Variants in RPL6 observed in about 807,000 individuals in gnomAD.
RPL6 encodes the protein ribosomal protein L6, also known as large ribosomal subunit protein eL6.
A neutral mutation model predicts 32.1 loss-of-function variants in RPL6; 1 was observed. The ratio of observed to expected loss-of-function variants is 0.03; its 90% CI spans 0.01 to 0.15. The LOEUF is 0.15. RPL6 is among the 10% of genes least tolerant of loss of function. The probability of loss-of-function intolerance (pLI) is 1.00; values close to 1 mark genes in which losing one functional copy is unlikely to be tolerated. For missense variants in RPL6, 275 were observed against 354.6 expected, an observed-to-expected ratio of 0.78 and a Z score of 1.80; for synonymous variants, 126 against 131.6, an observed-to-expected ratio of 0.96 and a Z score of 0.29.
At chr12:112,411,069 C>A (rs2037336165), upstream of RPL6, among the ~76,000 whole-genome samples, 1 of 152,198 alleles carries the variant, frequency 6.6e-6, no homozygotes, top group Non-Finnish European at 1.5e-5. Flanking sequence ...AACTGAGTCT[C>A]AAGGACATTA....
Position 112,405,816 on chromosome 12 carries a change from C to T in RPL6, c.714+37G>A, listed in dbSNP as rs535411903. 9 of 1,533,302 alleles carry T rather than the reference C, an allele frequency of 5.9e-6. No individual in the cohort carries two copies. In the East Asian group the frequency reaches 1.1e-4, roughly 19 times the overall value. 95.0% of individuals were successfully genotyped at this position (1,533,302 alleles called of 1,614,324 possible). ...TTCTTTTCACTCCCAGGTAGAAGGGCCAGTGCTAACACAGGAGATGACAAG... is the reference window on the plus strand; with the variant it reads ...TTCTTTTCACTCCCAGGTAGAAGGGTCAGTGCTAACACAGGAGATGACAAG... On this transcript the variant is annotated intron_variant, in intron 6 of 6. Coordinates refer to ENST00000202773, the MANE Select transcript of RPL6 (RefSeq NM_000970.6).
At chr12:112,409,448 T>G in intron 1 of RPL6, 139 bp downstream of exon 1, 1 of 398,650 alleles carries the variant, frequency 2.5e-6, no homozygotes, top group Non-Finnish European at 4.4e-6. Context: ...ACAACAAAAA[T>G]GAAGCGTCTG....
At chr12:112,406,951 C>T in intron 3 of RPL6, 61 bp from the exon 4 acceptor site, 1 of 1,565,470 alleles carries the variant, frequency 6.4e-7, no homozygotes, top group Non-Finnish European at 8.7e-7. Context: ...TAGAAGCAAG[C>T]TATGTCAGCC....
At chr12:112,412,879 G>A (rs944536808), upstream of RPL6, among the ~76,000 whole-genome samples, 4 of 151,844 alleles carry the variant, frequency 2.6e-5, no homozygotes, top group Non-Finnish European at 5.9e-5. Flanking sequence ...AGCCGAGATT[G>A]TGCCACTGCA....
rs150260546 is a variant in RPL6 at position 112,409,578 on chromosome 12, G to C, written c.-1+9C>G. On this transcript the variant is annotated intron_variant, in intron 1 of 6. Coordinates refer to ENST00000202773, the MANE Select transcript of RPL6 (RefSeq NM_000970.6). ...ACTCAAGTCTTGCAGACAGGCCCGC[G>C]ATTCTTACCTTGCAAGATGGGAAAG... is the stretch of plus-strand genomic sequence containing the variant. 7.5e-6 allele frequency: 3 copies of C among 398,426 alleles called. No individual in the cohort carries two copies. The highest frequency in any genetic ancestry group is 4.4e-5 in the Admixed American group (1 of 22,698). The allele number at this position is 398,426 out of a possible 1,614,324, so 24.7% of individuals were successfully genotyped here.
rs750667853 is a variant in RPL6, at chr12:112,406,048, A to C, written c.530-11T>G. ...TGAGGACCAGAGGTCCTAAGGGGGAAAAATTAATTTAGCAAGGAAAAGGGG... is the reference window on the plus strand; with the variant it reads ...TGAGGACCAGAGGTCCTAAGGGGGACAAATTAATTTAGCAAGGAAAAGGGG... On this transcript the variant is annotated splice_polypyrimidine_tract_variant and intron_variant, in intron 5 of 6. Coordinates refer to ENST00000202773, the MANE Select transcript of RPL6 (RefSeq NM_000970.6). The C allele has an allele frequency of 6.3e-7, 1 of 1,594,184 alleles. No homozygotes were observed. Among genetic ancestry groups the C allele is most frequent in the Non-Finnish European group, 8.5e-7 (1 of 1,170,208 alleles).
chr12:112,417,442 C>T (rs2037427965), intron 1 of RPL6, among the ~76,000 whole-genome samples: 1 of 151,966 alleles, frequency 6.6e-6, no homozygotes, highest in Admixed American at 6.6e-5. Flanking sequence ...TACCATTATT[C>T]CCAGACCAGA....
At chr12:112,410,345 C>T (rs879006983), upstream of RPL6, 2 of 291,598 alleles carry the variant, frequency 6.9e-6, no homozygotes, top group Non-Finnish European at 1.4e-5. Flanking sequence ...TGACTACTTC[C>T]TCTTGTACAT....
At chr12:112,409,614 T>A (rs973942824), upstream of RPL6, 4 of 397,908 alleles carry the variant, frequency 1.0e-5, no homozygotes. Context: ...AGAATTAAGG[T>A]CCCGGCTTCC....
chr12:112,409,337 C>T (rs1362028169), intron 1 of RPL6: 1 of 395,050 alleles, frequency 2.5e-6, no homozygotes, highest in Non-Finnish European at 4.5e-6. Context: ...TACGGGTCCC[C>T]GAAAGGGCCT....
upstream of RPL6, among the ~76,000 whole-genome samples, chr12:112,414,703 A>C (rs887219909): frequency 5.3e-5 from 8 of 152,234 alleles, no homozygotes; most frequent in African/African-American, 1.9e-4. Context: ...GGAGATCAAG[A>C]CCATCCTGGC....
chr12:112,408,809 C>CT (rs2037265217), intron 1 of RPL6, 153 bp from the exon 2 acceptor site: 1 of 652,198 alleles, frequency 1.5e-6, no homozygotes, highest in African/African-American at 1.8e-5. Context: ...TCTACCCATT[C>CT]TACTCCAACC....
rs761752245 is a variant in RPL6 at position 112,406,357 on chromosome 12, G to A, written c.481-15C>T. 8 of 1,607,974 alleles carry A rather than the reference G, an allele frequency of 5.0e-6. No homozygotes were observed. The highest frequency in any genetic ancestry group is 1.3e-5 in the African/African-American group (1 of 74,866). ...AAAACCACCCTCTGTAAGTTAAAAA[G>A]AAAATAATTAGTTTTCTGCAATTAA... On this transcript the variant is annotated splice_polypyrimidine_tract_variant and intron_variant, in intron 4 of 6. Transcript: ENST00000202773.
In RPL6 at chr12:112,408,450, G is replaced by A; in HGVS notation, c.207C>T (p.Tyr69=). Residue 69 remains tyrosine (Y), a synonymous_variant, in exon 2 of 7, where the codon TAC becomes TAT. Transcript: ENST00000202773. ...RSAMYSRKAM[Y]KRKYSAAKSK... ...ATTTAGCGGCTGAGTACTTCCTCTT[G>A]TACATGGCCTTTCTGGAATACATGG... The A allele has an allele frequency of 6.2e-7, 1 of 1,614,150 alleles. No homozygotes were observed. Among genetic ancestry groups the A allele is most frequent in the Non-Finnish European group, 8.5e-7 (1 of 1,180,036 alleles).
At chr12:112,417,942 C>G (rs962878770) in intron 1 of RPL6, among the ~76,000 whole-genome samples, 1 of 151,988 alleles carries the variant, frequency 6.6e-6, no homozygotes, top group South Asian at 2.1e-4. Flanking sequence ...GGATTTCAGG[C>G]GTGTGCCACC....
chr12:112,408,758 A>G (rs1428327640), intron 1 of RPL6, 102 bp from the exon 2 acceptor site: 6 of 963,128 alleles, frequency 6.2e-6, no homozygotes, highest in African/African-American at 1.6e-5. Context: ...TCCCCAGACT[A>G]CAATCCCTCC....
chr12:112,414,908 A>C (rs149129237), upstream of RPL6, among the ~76,000 whole-genome samples: 487 of 152,106 alleles, frequency 3.2e-3, no homozygotes, highest in East Asian at 8.5e-3. Flanking sequence ...GTCTAAAAAA[A>C]AAAACAAAAC....
At chr12:112,409,626 G>T (rs1265056335), upstream of RPL6, 3 of 397,554 alleles carry the variant, frequency 7.5e-6, no homozygotes, top group Non-Finnish European at 1.3e-5. Context: ...CCGGCTTCCG[G>T]TCTATAAGCA....
rs771976650 is a variant in RPL6, at chr12:112,405,946, T to A, written c.621A>T (p.Lys207Asn). 5 of 1,614,108 alleles carry A rather than the reference T, an allele frequency of 3.1e-6. 1 individual carries two copies. The South Asian group carries it at 5.5e-5, about 18-fold the overall frequency. ...AAGCATCAGTAAGATGTTTTGGGAT[T>A]TTTACATTGCTGATATCGATTTTGG... ...TSTKIDISNV[K>N]IPKHLTDAYF... Residue 207 changes from lysine (K) to asparagine (N), a missense_variant, in exon 6 of 7, where the codon AAA becomes AAT. Coordinates refer to ENST00000202773, the MANE Select transcript of RPL6 (RefSeq NM_000970.6).
Sources: gnomAD v4.1 joint callset for allele counts (sites outside exome capture counted in the v4.1 genomes callset) on GRCh38, gnomAD v4.1.1 for gene constraint, MANE v1.5 for transcripts, NCBI Gene and HGNC (gene_info 2026-07-23, HGNC 2026-07-21) for gene names.